Variants in ERC2 observed in about 807,000 individuals in gnomAD.
The protein encoded by ERC2 is ERC protein 2.
Under a neutral mutation model 114.8 loss-of-function variants are expected in ERC2, and 42 were observed. That is an observed-to-expected ratio of 0.37 (90% confidence interval 0.29 to 0.47). The LOEUF (loss-of-function observed/expected upper bound fraction) is 0.47, where lower values mean the gene tolerates loss of function less well. ERC2 is among the 20% of genes least tolerant of loss of function. ERC2 has a pLI of 0.99. For synonymous variants in ERC2, 454 were observed against 425.5 expected (o/e 1.07, Z -0.82); for missense variants, 939 against 1,150.7 (o/e 0.82, Z 2.66).
At chr3:56,043,101 C>T (rs953343733) in intron 7 of ERC2, among the ~76,000 whole-genome samples, 4 of 151,806 alleles carry the variant, frequency 2.6e-5, no homozygotes, top group Non-Finnish European at 4.4e-5. Flanking sequence ...GTCTGGAGCC[C>T]GCAAAATGAA....
chr3:55,749,820 C>A (rs1479100769), intron 14 of ERC2, among the ~76,000 whole-genome samples: 3 of 152,164 alleles, frequency 2.0e-5, no homozygotes, highest in Non-Finnish European at 4.4e-5. Flanking sequence ...CTTGCTACTG[C>A]CCACTCTTTG....
At chr3:55,863,757 C>T (rs1446095054) in intron 14 of ERC2, among the ~76,000 whole-genome samples, 5 of 151,750 alleles carry the variant, frequency 3.3e-5, no homozygotes, top group African/African-American at 4.8e-5. Flanking sequence ...TTTATTCAAC[C>T]CAAAGTATTA....
At chr3:56,326,282 C>T (rs916708957) in intron 2 of ERC2, among the ~76,000 whole-genome samples, 3 of 152,184 alleles carry the variant, frequency 2.0e-5, no homozygotes, top group African/African-American at 7.2e-5. Context: ...GTGCGGAAAG[C>T]AGATAGTGAA....
rs575049457 is a variant in ERC2 at position 55,629,621 on chromosome 3, C to T, written c.*39+54173G>A. Among the ~76,000 whole-genome samples, 123 of 152,298 alleles carry T rather than the reference C, an allele frequency of 8.1e-4. 3 individuals carry two copies. The South Asian group carries it at 0.024, about 30-fold the overall frequency. ...TAGCTGTTCCCTGATCATGTATTTC[C>T]TTAAACAACCAGTTGCAGAGCTGGG... On this transcript the variant is annotated intron_variant, in intron 17 of 17. Coordinates refer to ENST00000288221, the MANE Select transcript of ERC2 (RefSeq NM_015576.3).
chr3:55,723,693 G>T (rs887960170), intron 15 of ERC2, among the ~76,000 whole-genome samples: 5 of 151,976 alleles, frequency 3.3e-5, no homozygotes, highest in Admixed American at 2.0e-4. Context: ...TTAATTTTCA[G>T]GAAAAAAATC....
chr3:56,103,743 GTATCTATCTATCTATCTATC>G (rs58839474), intron 6 of ERC2, among the ~76,000 whole-genome samples: 1 of 149,058 alleles, frequency 6.7e-6, no homozygotes, highest in African/African-American at 2.5e-5. Context: ...AACTAGAAGT[GTATCTATCTATCTATCTATC>G]TATCTATCTA....
At chr3:56,397,824 G>C (rs935221105) in intron 2 of ERC2, among the ~76,000 whole-genome samples, 4 of 152,162 alleles carry the variant, frequency 2.6e-5, no homozygotes, top group African/African-American at 7.2e-5. Context: ...CCCATGTCTT[G>C]TTACTCCGCC....
intron 6 of ERC2, among the ~76,000 whole-genome samples, chr3:56,137,898 C>T (rs1366710305): frequency 6.6e-6 from 1 of 152,168 alleles, no homozygotes; most frequent in African/African-American, 2.4e-5. Context: ...ACAGTGTTAA[C>T]ACACAATTCT....
chr3:56,046,501 G>A (rs1052135399), intron 7 of ERC2, among the ~76,000 whole-genome samples: 5 of 152,138 alleles, frequency 3.3e-5, no homozygotes, highest in Admixed American at 6.6e-5. Context: ...CTTCTTCAAT[G>A]GGAAGTCACC....
intron 15 of ERC2, among the ~76,000 whole-genome samples, chr3:55,700,428 A>G (rs1046726934): frequency 1.3e-5 from 2 of 152,192 alleles, no homozygotes; most frequent in African/African-American, 2.4e-5. Context: ...AGAGTAAACT[A>G]TTTATAAACC....
At chr3:55,941,777 A>G (rs374998451) in intron 13 of ERC2, among the ~76,000 whole-genome samples, 12 of 152,202 alleles carry the variant, frequency 7.9e-5, no homozygotes, top group African/African-American at 2.9e-4. Context: ...CAAAGATATA[A>G]ATAACTTAAA....
chr3:56,034,593 A>T (rs1460443503), intron 7 of ERC2, among the ~76,000 whole-genome samples: 1 of 152,210 alleles, frequency 6.6e-6, no homozygotes, highest in Non-Finnish European at 1.5e-5. Context: ...GCCACCAAAC[A>T]GTCTTGAAAA....
At chr3:56,445,333 T>A (rs1191451671) in intron 1 of ERC2, among the ~76,000 whole-genome samples, 1 of 152,228 alleles carries the variant, frequency 6.6e-6, no homozygotes, top group South Asian at 2.1e-4. Flanking sequence ...TCTTTTACAA[T>A]TCATTCTTTT....
At chr3:56,318,887 T>A (rs905019316) in intron 2 of ERC2, among the ~76,000 whole-genome samples, 1 of 147,442 alleles carries the variant, frequency 6.8e-6, no homozygotes, top group Non-Finnish European at 1.5e-5. Context: ...TGCTTGAGCC[T>A]AGGAGTCAAG....
chr3:56,165,175 A>G (rs1308838897), intron 4 of ERC2, among the ~76,000 whole-genome samples: 1 of 151,864 alleles, frequency 6.6e-6, no homozygotes, highest in Non-Finnish European at 1.5e-5. Context: ...CCTCTTCTTC[A>G]AATTAACTAC....
intron 17 of ERC2, among the ~76,000 whole-genome samples, chr3:55,517,372 T>C (rs1575444458): frequency 1.5e-5 from 2 of 132,864 alleles, no homozygotes; most frequent in Non-Finnish European, 3.1e-5. Flanking sequence ...ACCAGGAAGG[T>C]GGAGGTGGAG....
At chr3:55,745,364 AAAGTC>A (rs2066242221) in intron 14 of ERC2, among the ~76,000 whole-genome samples, 1 of 152,262 alleles carries the variant, frequency 6.6e-6, no homozygotes, top group African/African-American at 2.4e-5. Context: ...TTAAAAAGTC[AAAGTC>A]AAGTGCAAAA....
chr3:55,646,919 C>T (rs182337054), intron 17 of ERC2: 6 of 152,210 alleles, frequency 3.9e-5, no homozygotes, highest in African/African-American at 1.4e-4. Flanking sequence ...TATTTACTAG[C>T]AAAAAACCTA....
chr3:55,997,886 T>TGG (rs1351410365), intron 10 of ERC2, among the ~76,000 whole-genome samples: 1 of 36,528 alleles, frequency 2.7e-5, no homozygotes, highest in Admixed American at 3.5e-4. Flanking sequence ...TTCTGTTTTT[T>TGG]TTTTTTTTTT....
Sources: allele counts gnomAD v4.1 joint callset (sites outside exome capture counted in the v4.1 genomes callset), GRCh38; gene constraint gnomAD v4.1.1; transcripts MANE v1.5; gene names NCBI Gene and HGNC (gene_info 2026-07-23, HGNC 2026-07-21).